Variants in PPP1R1C observed in about 807,000 individuals in gnomAD.
The protein encoded by PPP1R1C is protein phosphatase 1 regulatory subunit 1C.
A neutral mutation model predicts 17.4 loss-of-function variants in PPP1R1C; 15 were observed. The ratio of observed to expected loss-of-function variants is 0.86; its 90% CI spans 0.58 to 1.33. The LOEUF (loss-of-function observed/expected upper bound fraction) is 1.33. Ranked by LOEUF, PPP1R1C falls within the 40% of genes most tolerant of loss-of-function variation. The pLI, the probability that PPP1R1C is intolerant of heterozygous loss-of-function variation, is 0.00. For synonymous variants in PPP1R1C, 35 were observed against 43.1 expected (o/e 0.81, Z 0.73); for missense variants, 143 against 130.0 (o/e 1.10, Z -0.48).
intron 2 of PPP1R1C, among the ~76,000 whole-genome samples, chr2:182,041,160 A>C (rs913638559): frequency 1.3e-5 from 2 of 152,026 alleles, no homozygotes; most frequent in African/African-American, 4.8e-5. Context: ...TTTGAATTTT[A>C]GGGTTGTTGT....
At chr2:182,035,720 C>T (rs1322705103) in intron 2 of PPP1R1C, among the ~76,000 whole-genome samples, 3 of 152,100 alleles carry the variant, frequency 2.0e-5, no homozygotes, top group South Asian at 4.1e-4. Context: ...TGCCTTCTGC[C>T]GTGATTGTAA....
rs551690776 is a variant in PPP1R1C at position 181,997,534 on chromosome 2, T to C, written c.142+9635T>C. On this transcript the variant is annotated intron_variant, in intron 2 of 4. Transcript: ENST00000682840. ...AACAGATTAAAAGCAAATTGTATTA[T>C]TTTAAAATCCAACCTTGAATAAAAA... 1.5e-3 allele frequency among the ~76,000 whole-genome samples: 223 copies of C among 152,350 alleles called. 1 individual carries two copies. Among genetic ancestry groups the C allele is most frequent in the African/African-American group, 5.2e-3 (216 of 41,584 alleles).
chr2:182,122,375 G>T (rs1689754742), downstream of PPP1R1C, among the ~76,000 whole-genome samples: 1 of 152,050 alleles, frequency 6.6e-6, no homozygotes, highest in South Asian at 2.1e-4. Context: ...ATGTGTATTA[G>T]AAGAAATACA....
At chr2:182,091,272 G>A (rs534706248) in intron 4 of PPP1R1C, among the ~76,000 whole-genome samples, 2 of 152,214 alleles carry the variant, frequency 1.3e-5, no homozygotes, top group South Asian at 4.1e-4. Context: ...TCAGGAAAAA[G>A]TGAATACTTA....
downstream of PPP1R1C, among the ~76,000 whole-genome samples, chr2:182,122,615 G>A (rs1689760429): frequency 6.6e-6 from 1 of 151,954 alleles, no homozygotes; most frequent in South Asian, 2.1e-4. Context: ...GCTCTGTAGG[G>A]ACAATGCACC....
intron 5 of PPP1R1C, among the ~76,000 whole-genome samples, chr2:182,125,595 G>A (rs1310316414): frequency 4.6e-5 from 7 of 151,992 alleles, no homozygotes; most frequent in Non-Finnish European, 1.0e-4. Flanking sequence ...CTCTATTCGG[G>A]GATTTGATTT....
intron 3 of PPP1R1C, among the ~76,000 whole-genome samples, chr2:182,062,978 C>T (rs1284538907): frequency 3.3e-5 from 5 of 151,938 alleles, no homozygotes; most frequent in East Asian, 3.9e-4. Context: ...TGGCATTTTC[C>T]GATTGGGGGT....
chr2:182,098,411 A>G (rs566286526), intron 4 of PPP1R1C, among the ~76,000 whole-genome samples: 1 of 152,332 alleles, frequency 6.6e-6, no homozygotes, highest in South Asian at 2.1e-4. Context: ...TATTTCATGT[A>G]TAACAAAAAG....
chr2:182,029,561 A>G (rs1686747849), intron 2 of PPP1R1C, among the ~76,000 whole-genome samples: 1 of 143,832 alleles, frequency 7.0e-6, no homozygotes. Context: ...TCTGGCTTGT[A>G]GGGTTTCTGC....
intron 2 of PPP1R1C, among the ~76,000 whole-genome samples, chr2:182,043,845 C>T (rs1687261065): frequency 1.3e-5 from 2 of 152,098 alleles, no homozygotes; most frequent in East Asian, 1.9e-4. Context: ...TTATTGACCC[C>T]CTAGGTGCTG....
chr2:182,102,669 G>T (rs1461213634), intron 4 of PPP1R1C, among the ~76,000 whole-genome samples: 1 of 152,054 alleles, frequency 6.6e-6, no homozygotes, highest in African/African-American at 2.4e-5. Flanking sequence ...ATGGGATTTT[G>T]AAAATACATC....
intron 2 of PPP1R1C, among the ~76,000 whole-genome samples, chr2:182,004,100 T>C (rs1427474744): frequency 1.3e-5 from 2 of 152,206 alleles, no homozygotes. Flanking sequence ...AGCTTTCTCC[T>C]GTTAGTCTTG....
chr2:182,005,491 T>G (rs1685891041), intron 2 of PPP1R1C, among the ~76,000 whole-genome samples: 1 of 152,214 alleles, frequency 6.6e-6, no homozygotes, highest in African/African-American at 2.4e-5. Context: ...TTTTATATCT[T>G]TCATTTTCAA....
rs765226441 is a variant in PPP1R1C at position 182,066,967 on chromosome 2, TTTG to T, written c.241+3178_241+3180del. ...GTGTGTGTGTCTGTGTGTGTGTGTGTTTGTGTGTGTGTGTGTGTGTGTGTGTGT... is the reference window on the plus strand; with the variant it reads ...GTGTGTGTGTCTGTGTGTGTGTGTGTTGTGTGTGTGTGTGTGTGTGTGTGT... On this transcript the variant is annotated intron_variant, in intron 4 of 4. Coordinates refer to ENST00000682840, the MANE Select transcript of PPP1R1C (RefSeq NM_001080545.3). Among the ~76,000 whole-genome samples, 5 of 29,568 alleles carry T rather than the reference TTTG, an allele frequency of 1.7e-4. No individual in the cohort carries two copies. The East Asian group carries it at 2.9e-3, about 17-fold the overall frequency. 19.4% of individuals were successfully genotyped at this position (29,568 alleles called of 152,430 possible). A position where few individuals can be genotyped will look rare whatever the true frequency, so the allele number is the denominator to read the frequency against.
At position 181,961,834 on chromosome 2, in the gene PPP1R1C, T is replaced by C. The variant is rs1684803085; in HGVS notation, n.111+7200T>C. 4.0e-6 allele frequency: 4 copies of C among 993,144 alleles called. No individual in the cohort carries two copies. Among genetic ancestry groups the C allele is most frequent in the Non-Finnish European group, 6.4e-6 (4 of 625,606 alleles). 61.5% of individuals were successfully genotyped at this position (993,144 alleles called of 1,614,324 possible). On this transcript the variant is annotated intron_variant and non_coding_transcript_variant, in intron 1 of 5. Transcript: ENST00000464264. The surrounding 1 kb of genome is among the most constrained non-coding windows in gnomAD (Gnocchi z 5.8). Reference sequence around the variant, plus strand: ...TAGGCCTTTTACTTCCTCTTCGTGGTTCTTCTTCATGAAGAGCAGCTCCTC... The same window carrying C: ...TAGGCCTTTTACTTCCTCTTCGTGGCTCTTCTTCATGAAGAGCAGCTCCTC...
intron 2 of PPP1R1C, 21 bp from the exon 3 acceptor site, chr2:182,061,421 T>G (rs888259917): frequency 7.0e-7 from 1 of 1,428,094 alleles, no homozygotes; most frequent in Non-Finnish European, 9.4e-7. Flanking sequence ...GCCTAATACA[T>G]TCTACCTACT....
intron 2 of PPP1R1C, among the ~76,000 whole-genome samples, chr2:182,059,609 G>T (rs1303214828): frequency 6.6e-6 from 1 of 152,062 alleles, no homozygotes; most frequent in Non-Finnish European, 1.5e-5. Flanking sequence ...GACCTGAAAA[G>T]TTAGTTATTT....
At chr2:181,985,079 C>T (rs1435711095), upstream of PPP1R1C, among the ~76,000 whole-genome samples, 3 of 152,112 alleles carry the variant, frequency 2.0e-5, no homozygotes, top group South Asian at 2.1e-4. This position sits in a 1 kb window ranked among gnomAD's most constrained non-coding sequence, Gnocchi z 4.1. Flanking sequence ...TGTTGACTAC[C>T]ATTAGGTTTC....
At chr2:182,115,280 G>T (rs997450165) in intron 4 of PPP1R1C, among the ~76,000 whole-genome samples, 1 of 152,010 alleles carries the variant, frequency 6.6e-6, no homozygotes, top group African/African-American at 2.4e-5. Flanking sequence ...GGAAAGTTTG[G>T]GTCAGCAGCC....
Sources: gnomAD v4.1 joint callset for allele counts (sites outside exome capture counted in the v4.1 genomes callset) on GRCh38, gnomAD v4.1.1 for gene constraint, Gnocchi (gnomAD v3.1) non-coding constraint, MANE v1.5 for transcripts, NCBI Gene and HGNC (gene_info 2026-07-23, HGNC 2026-07-21) for gene names.